Variants in ADGRB3 observed in about 807,000 individuals in gnomAD.
ADGRB3 encodes adhesion G protein-coupled receptor B3.
In ADGRB3, 37 loss-of-function variants were observed where a neutral mutation model predicts 193.4. The ratio of observed to expected loss-of-function variants is 0.19; its 90% CI spans 0.15 to 0.25. ADGRB3 has a LOEUF of 0.25. Among genes scored for constraint, ADGRB3 ranks in the 10% least tolerant of loss-of-function variants. The pLI is 1.00. For synonymous variants in ADGRB3, 690 were observed against 644.2 expected, an observed-to-expected ratio of 1.07 and a Z score of -1.08; for missense variants, 1,637 against 1,852.9, an observed-to-expected ratio of 0.88 and a Z score of 2.14.
intron 13 of ADGRB3, among the ~76,000 whole-genome samples, chr6:69,040,305 GTC>G (rs377512625): frequency 2.8e-4 from 30 of 106,896 alleles, no homozygotes; most frequent in African/African-American, 8.8e-4. Context: ...TCCTTTCTCT[GTC>G]TCTTTCTTTC....
chr6:69,196,302 T>C (rs910295062), intron 17 of ADGRB3, among the ~76,000 whole-genome samples: 1 of 152,136 alleles, frequency 6.6e-6, no homozygotes, highest in Admixed American at 6.6e-5. Flanking sequence ...CAGGCTGGTC[T>C]TCATAAATTG....
At chr6:69,269,408 T>C (rs1047445104) in intron 20 of ADGRB3, among the ~76,000 whole-genome samples, 3 of 152,180 alleles carry the variant, frequency 2.0e-5, no homozygotes, top group Non-Finnish European at 2.9e-5. Context: ...AATGATAATA[T>C]CTCCTATAAT....
intron 3 of ADGRB3, among the ~76,000 whole-genome samples, chr6:68,874,911 T>TA (rs749031670): frequency 2.0e-5 from 3 of 152,202 alleles, no homozygotes; most frequent in Non-Finnish European, 2.9e-5. Flanking sequence ...AAGAGTGCTC[T>TA]AGTAGTAGGG....
intron 3 of ADGRB3, among the ~76,000 whole-genome samples, chr6:68,805,384 T>C (rs138155820): frequency 0.023 from 3,539 of 152,352 alleles, 68 homozygotes; most frequent in South Asian, 0.076. Context: ...ATTACTCATC[T>C]GGTAGTCCAT....
chr6:68,642,432 C>T (rs1371830427), intron 3 of ADGRB3, among the ~76,000 whole-genome samples: 1 of 152,056 alleles, frequency 6.6e-6, no homozygotes, highest in Non-Finnish European at 1.5e-5. Context: ...ATGCTAGAAC[C>T]TTCTTTAATA....
chr6:69,244,944 C>A (rs1766464173), intron 20 of ADGRB3, among the ~76,000 whole-genome samples: 1 of 151,904 alleles, frequency 6.6e-6, no homozygotes, highest in African/African-American at 2.4e-5. Flanking sequence ...TTCTGTCCTT[C>A]TCTTCATACC....
chr6:69,019,121 C>A (rs563628656), intron 13 of ADGRB3, among the ~76,000 whole-genome samples: 16 of 151,976 alleles, frequency 1.1e-4, no homozygotes, highest in Non-Finnish European at 2.1e-4. Context: ...ACACACTTCT[C>A]TTTGTGGTTA....
chr6:69,062,618 A>G (rs1407029620), intron 15 of ADGRB3, among the ~76,000 whole-genome samples: 1 of 151,882 alleles, frequency 6.6e-6, no homozygotes, highest in Non-Finnish European at 1.5e-5. Context: ...TCATTTAAAT[A>G]TTGTCTGAAG....
chr6:69,078,135 C>T (rs1452535194), intron 17 of ADGRB3, among the ~76,000 whole-genome samples: 2 of 151,928 alleles, frequency 1.3e-5, no homozygotes, highest in Non-Finnish European at 2.9e-5. Context: ...CAGAAAACGG[C>T]TGTCTTAAAT....
At chr6:68,858,568 G>A (rs151272685) in intron 3 of ADGRB3, among the ~76,000 whole-genome samples, 2,178 of 134,034 alleles carry the variant, frequency 0.016, 32 homozygotes, top group Non-Finnish European at 0.026. Context: ...ACTCCAGACT[G>A]AGTGACAGAG....
intron 3 of ADGRB3, among the ~76,000 whole-genome samples, chr6:68,817,305 ATGTATATATATATATATATAT>A (rs1767652098): frequency 8.7e-4 from 38 of 43,492 alleles, no homozygotes; most frequent in East Asian, 5.0e-3. Flanking sequence ...CCTTTTGTCC[ATGTATATATATATATATATAT>A]ATATATATAT....
intron 11 of ADGRB3, among the ~76,000 whole-genome samples, chr6:69,004,369 C>T (rs937927835): frequency 6.6e-6 from 1 of 151,674 alleles, no homozygotes; most frequent in African/African-American, 2.4e-5. Flanking sequence ...CACTTGCATC[C>T]CTGGTGTCTC....
At chr6:68,698,073 A>G (rs1472254524) in intron 3 of ADGRB3, among the ~76,000 whole-genome samples, 2 of 151,842 alleles carry the variant, frequency 1.3e-5, no homozygotes, top group Non-Finnish European at 2.9e-5. Context: ...TATACATGAT[A>G]GATATAGATA....
rs541416270 is a variant in ADGRB3, at chr6:68,897,942, A to AAT, written c.758-32605_758-32604dup. Among the ~76,000 whole-genome samples, 139 of 147,556 alleles carry AAT rather than the reference A, an allele frequency of 9.4e-4. 2 individuals carry two copies. Among genetic ancestry groups the AAT allele is most frequent in the East Asian group, 3.5e-3 (18 of 5,122 alleles). ...AGGATTCTCCAGAGAAACAGAAACA[A>AAT]ATATATATATATAATATAATAATAA... On this transcript the variant is annotated intron_variant, in intron 3 of 31. Transcript: ENST00000370598.
chr6:68,748,693 G>A (rs929954098), intron 3 of ADGRB3, among the ~76,000 whole-genome samples: 1 of 152,194 alleles, frequency 6.6e-6, no homozygotes, highest in Admixed American at 6.5e-5. Context: ...GACCCTGGAG[G>A]ATGGTGGCCC....
chr6:69,205,527 A>T (rs1765520425), intron 17 of ADGRB3, among the ~76,000 whole-genome samples: 2 of 152,144 alleles, frequency 1.3e-5, no homozygotes, highest in Non-Finnish European at 2.9e-5. Flanking sequence ...AGACTGGGTG[A>T]TTTATAAATA....
At chr6:69,007,163 G>C (rs1026410033) in intron 11 of ADGRB3, among the ~76,000 whole-genome samples, 1 of 152,146 alleles carries the variant, frequency 6.6e-6, no homozygotes, top group Non-Finnish European at 1.5e-5. Context: ...ACGAAAGGCT[G>C]ACTTTTGATT....
intron 17 of ADGRB3, among the ~76,000 whole-genome samples, chr6:69,164,775 T>C (rs534199998): frequency 1.5e-3 from 230 of 152,184 alleles, no homozygotes; most frequent in Non-Finnish European, 2.7e-3. Context: ...GAACCTCAAT[T>C]TAAGGGGGAG....
At chr6:68,944,232 A>G (rs1379661528) in intron 6 of ADGRB3, among the ~76,000 whole-genome samples, 2 of 152,148 alleles carry the variant, frequency 1.3e-5, no homozygotes, top group East Asian at 3.8e-4. Context: ...AAATGTGTAT[A>G]TTAATATTTT....
Sources: gnomAD v4.1 joint callset for allele counts (sites outside exome capture counted in the v4.1 genomes callset) on GRCh38, gnomAD v4.1.1 for gene constraint, MANE v1.5 for transcripts, NCBI Gene and HGNC (gene_info 2026-07-23, HGNC 2026-07-21) for gene names.